Variants in RPS6KC1 observed in about 807,000 individuals in gnomAD.
RPS6KC1 encodes the protein inactive ribosomal protein S6 kinase delta-1.
Under a neutral mutation model 103.8 loss-of-function variants are expected in RPS6KC1, and 54 were observed. The ratio of observed to expected loss-of-function variants is 0.52; its 90% CI spans 0.42 to 0.65. The LOEUF (loss-of-function observed/expected upper bound fraction) is 0.65, where lower values mean the gene tolerates loss of function less well. RPS6KC1 is among the 30% of genes least tolerant of loss of function. The pLI, the probability that RPS6KC1 is intolerant of heterozygous loss-of-function variation, is 0.00. For missense variants in RPS6KC1, 1,151 were observed against 1,253.8 expected, an observed-to-expected ratio of 0.92 and a Z score of 1.24; for synonymous variants, 439 against 438.7, an observed-to-expected ratio of 1.00 and a Z score of -0.01.
the RPS6KC1 span, among the ~76,000 whole-genome samples, chr1:213,579,796 G>A: frequency 6.6e-6 from 1 of 151,946 alleles, no homozygotes; most frequent in Admixed American, 6.5e-5. Context: ...ACAAAGCCTG[G>A]ATGACAGCAC....
At chr1:213,062,473 A>C (rs995461429) in intron 1 of RPS6KC1, among the ~76,000 whole-genome samples, 8 of 152,220 alleles carry the variant, frequency 5.3e-5, no homozygotes, top group Non-Finnish European at 1.0e-4. Flanking sequence ...TAATCTTAAC[A>C]AAAAATACAG....
chr1:213,500,452 G>A, the RPS6KC1 span, among the ~76,000 whole-genome samples: 3 of 152,140 alleles, frequency 2.0e-5, no homozygotes, highest in African/African-American at 7.2e-5. Flanking sequence ...TTATATATAA[G>A]TAGAAGGAGT....
At chr1:213,320,200 A>G in the RPS6KC1 span, among the ~76,000 whole-genome samples, 81 of 152,364 alleles carry the variant, frequency 5.3e-4, no homozygotes, top group African/African-American at 1.8e-3. Flanking sequence ...CCACAACTCA[A>G]TGCCTTTCCT....
chr1:213,788,545 C>T, the RPS6KC1 span, among the ~76,000 whole-genome samples: 1 of 152,010 alleles, frequency 6.6e-6, no homozygotes, highest in Admixed American at 6.6e-5. Flanking sequence ...TGACTCCCTC[C>T]CCATACCCTG....
the RPS6KC1 span, among the ~76,000 whole-genome samples, chr1:213,366,043 C>T: frequency 6.6e-6 from 1 of 152,158 alleles, no homozygotes; most frequent in Non-Finnish European, 1.5e-5. Context: ...GGAGCAATAC[C>T]TGGAGAAGGC....
At chr1:213,844,979 G>A in the RPS6KC1 span, among the ~76,000 whole-genome samples, 1 of 151,580 alleles carries the variant, frequency 6.6e-6, no homozygotes, top group Admixed American at 6.6e-5. Flanking sequence ...TACAGCCATA[G>A]TGCATTCAGC....
At chr1:213,561,274 C>T in the RPS6KC1 span, among the ~76,000 whole-genome samples, 1 of 152,166 alleles carries the variant, frequency 6.6e-6, no homozygotes, top group South Asian at 2.1e-4. Context: ...CACAGATATA[C>T]TGTAAATCTA....
chr1:213,670,306 C>T, the RPS6KC1 span, among the ~76,000 whole-genome samples: 10,883 of 152,216 alleles, frequency 0.071, 1,113 homozygotes, highest in African/African-American at 0.23. Context: ...CTACTGCTCA[C>T]TTGGGAGCCC....
chr1:213,594,507 G>A, the RPS6KC1 span, among the ~76,000 whole-genome samples: 9 of 152,236 alleles, frequency 5.9e-5, no homozygotes, highest in South Asian at 1.9e-3. Flanking sequence ...GAGAGCCAAG[G>A]TGAGGGGCTC....
chr1:213,448,254 A>C, the RPS6KC1 span, among the ~76,000 whole-genome samples: 1 of 98,348 alleles, frequency 1.0e-5, no homozygotes, highest in Non-Finnish European at 2.3e-5. Flanking sequence ...AAAAGGAAAA[A>C]GAAAAAAAAG....
intron 8 of RPS6KC1, among the ~76,000 whole-genome samples, chr1:213,179,412 C>T (rs1033194719): frequency 3.4e-5 from 5 of 147,632 alleles, no homozygotes; most frequent in African/African-American, 1.3e-4. Context: ...CAGACCCTGT[C>T]TCAAAAAAAA....
intron 6 of RPS6KC1, among the ~76,000 whole-genome samples, chr1:213,156,156 A>T (rs1320340264): frequency 6.6e-6 from 1 of 152,194 alleles, no homozygotes; most frequent in Admixed American, 6.5e-5. Context: ...AAGTGGAGAC[A>T]TGTAAGAATT....
chr1:213,513,028 G>A, the RPS6KC1 span, among the ~76,000 whole-genome samples: 26 of 152,182 alleles, frequency 1.7e-4, no homozygotes, highest in Non-Finnish European at 2.4e-4. Flanking sequence ...ATGTTACATG[G>A]CAAAAGGGAC....
the RPS6KC1 span, among the ~76,000 whole-genome samples, chr1:213,764,195 C>T: frequency 1.3e-5 from 2 of 152,208 alleles, no homozygotes; most frequent in African/African-American, 4.8e-5. Context: ...TTGACGGAAA[C>T]ACGCAGAGAG....
chr1:213,464,921 T>C, the RPS6KC1 span, among the ~76,000 whole-genome samples: 2 of 152,078 alleles, frequency 1.3e-5, no homozygotes, highest in South Asian at 4.1e-4. Flanking sequence ...GCAGGGAATA[T>C]CGGCTGCTAA....
chr1:213,734,029 C>T, the RPS6KC1 span, among the ~76,000 whole-genome samples: 3 of 152,162 alleles, frequency 2.0e-5, no homozygotes, highest in African/African-American at 7.2e-5. Context: ...AAAAAGAACA[C>T]ACAAGAAAAA....
the RPS6KC1 span, among the ~76,000 whole-genome samples, chr1:213,590,440 T>C: frequency 6.6e-6 from 1 of 152,098 alleles, no homozygotes. Flanking sequence ...GGGAAGCAGA[T>C]CTCAAAATGG....
chr1:213,197,181 T>C (rs1200993505), intron 8 of RPS6KC1, among the ~76,000 whole-genome samples: 1 of 152,222 alleles, frequency 6.6e-6, no homozygotes, highest in Non-Finnish European at 1.5e-5. Context: ...TTTTGGTAAC[T>C]ATAGCCTTGT....
chr1:213,858,182 T>A, the RPS6KC1 span, among the ~76,000 whole-genome samples: 1 of 152,356 alleles, frequency 6.6e-6, no homozygotes, highest in South Asian at 2.1e-4. Flanking sequence ...GGGAGCTTAC[T>A]CCATGCCAGT....
Sources: allele counts gnomAD v4.1 joint callset (sites outside exome capture counted in the v4.1 genomes callset), GRCh38; gene constraint gnomAD v4.1.1; transcripts MANE v1.5; gene names NCBI Gene and HGNC (gene_info 2026-07-23, HGNC 2026-07-21).